RTN3: variants seen among roughly 807,000 people sequenced by gnomAD.
The protein encoded by RTN3 is reticulon 3, also known as reticulon-3.
RTN3 carries 49 observed loss-of-function variants against 77.8 expected under a neutral mutation model. The observed-to-expected ratio is 0.63, with a 90% CI of 0.50 to 0.80. The LOEUF is 0.80. RTN3 is among the 30% of genes least tolerant of loss of function. The probability of loss-of-function intolerance (pLI) is 0.00; values close to 1 mark genes in which losing one functional copy is unlikely to be tolerated. For synonymous variants in RTN3, 464 were observed against 446.9 expected (o/e 1.04, Z -0.48); for missense variants, 1,236 against 1,211.9 (o/e 1.02, Z -0.29).
intron 8 of RTN3, among the ~76,000 whole-genome samples, chr11:63,756,668 C>T (rs1036822734): frequency 1.1e-4 from 16 of 152,216 alleles, no homozygotes; most frequent in Non-Finnish European, 1.3e-4. Context: ...GTCTCGACCT[C>T]CTGGGCTCAG....
Position 63,752,654 on chromosome 11 carries a change from T to A in RTN3, c.2877+9T>A. On this transcript the variant is annotated intron_variant, in intron 5 of 8. Transcript: ENST00000377819. ...TGGTTGACTCCTTGAAGGTTAGTTG[T>A]TTCTGCAGCTCTTGGTGGTAAAACA... is the stretch of plus-strand genomic sequence containing the variant. 2 of 1,613,486 alleles carry A rather than the reference T, an allele frequency of 1.2e-6. No homozygotes were observed. The highest frequency in any genetic ancestry group is 1.7e-6 in the Non-Finnish European group (2 of 1,179,634).
intron 1 of RTN3, 146 bp from the exon 2 acceptor site, chr11:63,704,702 CAAT>C: frequency 1.9e-6 from 1 of 526,794 alleles, no homozygotes; most frequent in Non-Finnish European, 3.4e-6. Flanking sequence ...TGAGTGAAAA[CAAT>C]AATTGGAAAT....
At chr11:63,736,837 T>G (rs931397653) in intron 3 of RTN3, among the ~76,000 whole-genome samples, 1 of 152,126 alleles carries the variant, frequency 6.6e-6, no homozygotes, top group African/African-American at 2.4e-5. Context: ...AATGACTGTT[T>G]ATATAACTCA....
chr11:63,728,009 T>G (rs1308717645), intron 3 of RTN3, among the ~76,000 whole-genome samples: 1 of 152,176 alleles, frequency 6.6e-6, no homozygotes, highest in African/African-American at 2.4e-5. Context: ...GGCCAGTGAT[T>G]TGCTAGAAGG....
chr11:63,708,415 T>G (rs577989637), intron 2 of RTN3, among the ~76,000 whole-genome samples: 1 of 152,196 alleles, frequency 6.6e-6, no homozygotes, highest in South Asian at 2.1e-4. Context: ...CCTCCTACCT[T>G]GGCTTCCCAA....
rs538348665 is a variant in RTN3 at position 63,689,197 on chromosome 11, G to C, written c.142+7419G>C. Among the ~76,000 whole-genome samples the C allele has an allele frequency of 2.0e-3, 309 of 152,140 alleles. 1 individual carries two copies. The highest frequency in any genetic ancestry group is 3.4e-3 in the Non-Finnish European group (233 of 67,992). On this transcript the variant is annotated intron_variant, in intron 1 of 8. Coordinates refer to ENST00000377819, the MANE Select transcript of RTN3 (RefSeq NM_001265589.2). ...TACTCTTTGTATTGTTCTAATTTTG[G>C]TATATGTGCTGCTGAAGTAAGCACT...
intron 3 of RTN3, among the ~76,000 whole-genome samples, chr11:63,729,101 G>A (rs1426192015): frequency 6.6e-6 from 1 of 151,644 alleles, no homozygotes; most frequent in African/African-American, 2.4e-5. Flanking sequence ...CAAAAAAACT[G>A]CAAGATTAAA....
chr11:63,730,066 A>G (rs2012584766), intron 3 of RTN3, among the ~76,000 whole-genome samples: 1 of 152,124 alleles, frequency 6.6e-6, no homozygotes, highest in Non-Finnish European at 1.5e-5. Context: ...TTCCGGGTTC[A>G]AGGGATTCTC....
intron 3 of RTN3, among the ~76,000 whole-genome samples, chr11:63,726,033 A>G (rs1205616366): frequency 2.6e-5 from 4 of 152,208 alleles, no homozygotes; most frequent in African/African-American, 9.7e-5. Context: ...AAGTGAATCT[A>G]TGCTAGAAAG....
Position 63,718,908 on chromosome 11 carries a change from A to G in RTN3, c.406A>G (p.Thr136Ala), listed in dbSNP as rs1312868859. The change falls in exon 3 of 9, where the codon ACC (threonine) becomes GCC (alanine). Residue 136 changes from threonine (T) to alanine (A), a missense_variant. Thr to Ala is a moderately conservative substitution (Grantham distance 58, BLOSUM62 0). Coordinates refer to ENST00000377819, the MANE Select transcript of RTN3 (RefSeq NM_001265589.2). ...DMKKMEKPQG[T>A]SNNVSDSSVS... Reference sequence around the variant, plus strand: ...GAAAAAGATGGAAAAGCCTCAGGGGACCAGCAACAACGTATCAGACTCTTC... The same window carrying G: ...GAAAAAGATGGAAAAGCCTCAGGGGGCCAGCAACAACGTATCAGACTCTTC... 6.2e-7 allele frequency: 1 copy of G among 1,614,060 alleles called. No individual in the cohort carries two copies. The highest frequency in any genetic ancestry group is 8.5e-7 in the Non-Finnish European group (1 of 1,180,042).
rs570273631 is a variant in RTN3, at chr11:63,726,333, T to C, written c.2530+5301T>C. Among the ~76,000 whole-genome samples the C allele has an allele frequency of 1.2e-4, 18 of 152,260 alleles. No homozygotes were observed. In the South Asian group the frequency reaches 3.7e-3, roughly 32 times the overall value. ...CTTTTAGCTAGAGGACAGGCTGAAG[T>C]GGGCACCTGACAGGCTGGCTTAAAC... On this transcript the variant is annotated intron_variant, in intron 3 of 8. Coordinates refer to ENST00000377819, the MANE Select transcript of RTN3 (RefSeq NM_001265589.2).
chr11:63,693,749 G>A (rs1941788299), intron 1 of RTN3, among the ~76,000 whole-genome samples: 4 of 152,132 alleles, frequency 2.6e-5, no homozygotes, highest in Admixed American at 2.0e-4. Context: ...CTTCTGGACT[G>A]TAGGTATTTT....
rs773515081 is a variant in RTN3 at position 63,758,209 on chromosome 11, G to A, written c.*8G>A. On this transcript the variant is annotated 3_prime_UTR_variant, in exon 9 of 9. Transcript: ENST00000377819. The stretch of plus-strand genomic sequence containing the variant: ...AAAAAAAAGGCAGAATAAGTACATG[G>A]AAACCAGAAATGCAACAGTTACTAA... 2 of 1,613,462 alleles carry A rather than the reference G, an allele frequency of 1.2e-6. No homozygotes were observed. The highest frequency in any genetic ancestry group is 1.7e-5 in the Admixed American group (1 of 59,948).
At chr11:63,748,159 A>T (rs1227464162) in intron 3 of RTN3, among the ~76,000 whole-genome samples, 1 of 151,466 alleles carries the variant, frequency 6.6e-6, no homozygotes, top group Non-Finnish European at 1.5e-5. Flanking sequence ...TCTCAAAAAA[A>T]AAAATAAAAG....
intron 1 of RTN3, among the ~76,000 whole-genome samples, chr11:63,701,131 T>C (rs1387941585): frequency 6.6e-6 from 1 of 151,822 alleles, no homozygotes; most frequent in African/African-American, 2.4e-5. Context: ...TGCTCATATA[T>C]AATTTGTTTC....
At chr11:63,702,552 G>A (rs1942293027) in intron 1 of RTN3, among the ~76,000 whole-genome samples, 1 of 151,956 alleles carries the variant, frequency 6.6e-6, no homozygotes, top group South Asian at 2.1e-4. Flanking sequence ...CTGACCTCAT[G>A]ATCCATCTGC....
chr11:63,740,103 A>C (rs2013368319), intron 3 of RTN3, among the ~76,000 whole-genome samples: 1 of 152,140 alleles, frequency 6.6e-6, no homozygotes, highest in African/African-American at 2.4e-5. Flanking sequence ...GGTCTGCCCC[A>C]TAGGTGATGT....
chr11:63,685,508 A>AAAAAAAAG (rs1941322700), intron 1 of RTN3, among the ~76,000 whole-genome samples: 1 of 150,586 alleles, frequency 6.6e-6, no homozygotes, highest in African/African-American at 2.4e-5. Context: ...AAAAAAAAAA[A>AAAAAAAAG]AGTTACTGCA....
chr11:63,718,607 T>C (rs2011534705), intron 2 of RTN3, 95 bp from the exon 3 acceptor site: 1 of 781,622 alleles, frequency 1.3e-6, no homozygotes, highest in Admixed American at 3.3e-5. Context: ...TATATTTATG[T>C]AATTTAAAAA....
Sources: allele counts gnomAD v4.1 joint callset (sites outside exome capture counted in the v4.1 genomes callset), GRCh38; gene constraint gnomAD v4.1.1; transcripts MANE v1.5; gene names NCBI Gene and HGNC (gene_info 2026-07-23, HGNC 2026-07-21).